Variants in MKLN1 observed in about 807,000 individuals in gnomAD.
MKLN1 encodes the protein muskelin.
In MKLN1, 18 loss-of-function variants were observed where a neutral mutation model predicts 99.0. The ratio of observed to expected loss-of-function variants is 0.18; its 90% CI spans 0.13 to 0.27. The LOEUF is 0.27. Among genes scored for constraint, MKLN1 ranks in the 10% least tolerant of loss-of-function variants. The probability of loss-of-function intolerance (pLI) is 1.00; values close to 1 mark genes in which losing one functional copy is unlikely to be tolerated. For synonymous variants in MKLN1, 288 were observed against 293.2 expected (o/e 0.98, Z 0.18); for missense variants, 621 against 875.9 (o/e 0.71, Z 3.67).
intron 3 of MKLN1, among the ~76,000 whole-genome samples, chr7:131,222,860 C>CAAA (rs375317109): frequency 4.5e-5 from 4 of 88,608 alleles, no homozygotes; most frequent in Non-Finnish European, 7.1e-5. Flanking sequence ...GCTAAAAATA[C>CAAA]AAAAAAAAAA....
chr7:131,449,165 TG>T (rs1796104952), intron 12 of MKLN1, among the ~76,000 whole-genome samples: 1 of 152,098 alleles, frequency 6.6e-6, no homozygotes, highest in South Asian at 2.1e-4. Context: ...GGAAGAACCA[TG>T]TGAAGAACTG....
chr7:131,163,499 T>C (rs1031214471), intron 2 of MKLN1, among the ~76,000 whole-genome samples: 1 of 152,188 alleles, frequency 6.6e-6, no homozygotes, highest in Non-Finnish European at 1.5e-5. Flanking sequence ...GATGAATGAG[T>C]GCTTCATTTT....
intron 16 of MKLN1, among the ~76,000 whole-genome samples, chr7:131,474,695 A>G (rs940285202): frequency 3.9e-5 from 6 of 152,358 alleles, no homozygotes; most frequent in African/African-American, 1.2e-4. Flanking sequence ...AGAAATTTTA[A>G]AAGTGAAAAG....
chr7:131,138,702 A>G (rs1795687553), intron 1 of MKLN1, among the ~76,000 whole-genome samples: 1 of 151,954 alleles, frequency 6.6e-6, no homozygotes, highest in Non-Finnish European at 1.5e-5. Flanking sequence ...AGTGAAATGA[A>G]AAAAAAAATT....
At chr7:131,341,275 G>A (rs1799400552) in intron 1 of MKLN1, among the ~76,000 whole-genome samples, 1 of 151,890 alleles carries the variant, frequency 6.6e-6, no homozygotes, top group African/African-American at 2.4e-5. Flanking sequence ...TCACAGATGT[G>A]ACCGTCATTG....
chr7:131,283,384 C>T (rs1798086739), intron 3 of MKLN1, among the ~76,000 whole-genome samples: 1 of 107,454 alleles, frequency 9.3e-6, no homozygotes, highest in Non-Finnish European at 1.8e-5. Context: ...TTCCTTCCTT[C>T]CTTCCTTCCT....
At chr7:131,286,740 A>C (rs1400957916) in intron 3 of MKLN1, among the ~76,000 whole-genome samples, 1 of 152,240 alleles carries the variant, frequency 6.6e-6, no homozygotes, top group Non-Finnish European at 1.5e-5. Flanking sequence ...TATTTGGATA[A>C]AACAATATTT....
intron 3 of MKLN1, among the ~76,000 whole-genome samples, chr7:131,233,405 T>TAAATAAAA (rs1353555363): frequency 3.5e-5 from 5 of 144,916 alleles, no homozygotes; most frequent in Non-Finnish European, 6.0e-5. Context: ...AATAAATAAA[T>TAAATAAAA]AAAAATAAAG....
At chr7:131,238,456 A>G (rs1797356616) in intron 3 of MKLN1, among the ~76,000 whole-genome samples, 1 of 152,184 alleles carries the variant, frequency 6.6e-6, no homozygotes. Flanking sequence ...ACTTCCTGCA[A>G]AGAGTTCAGA....
chr7:131,465,635 T>A (rs984030830), intron 14 of MKLN1, among the ~76,000 whole-genome samples: 9 of 151,940 alleles, frequency 5.9e-5, no homozygotes, highest in African/African-American at 2.2e-4. Flanking sequence ...GCCCCCTGGG[T>A]TCACATCATT....
At chr7:131,404,571 G>A (rs890598399) in intron 6 of MKLN1, among the ~76,000 whole-genome samples, 2 of 151,908 alleles carry the variant, frequency 1.3e-5, no homozygotes, top group African/African-American at 4.8e-5. Context: ...CTGGAATTTC[G>A]GGTGTGAGCT....
chr7:131,413,189 A>G (rs973573094), intron 7 of MKLN1, among the ~76,000 whole-genome samples: 15 of 152,234 alleles, frequency 9.9e-5, no homozygotes, highest in African/African-American at 2.2e-4. Context: ...CAAAGCTTCA[A>G]TGATAATAAA....
At chr7:131,411,759 T>C (rs1022943107) in intron 7 of MKLN1, among the ~76,000 whole-genome samples, 6 of 151,670 alleles carry the variant, frequency 4.0e-5, no homozygotes, top group African/African-American at 1.2e-4. Context: ...ATACAAAAAT[T>C]AGCTGGGCGT....
chr7:131,426,969 G>C (rs1795376034), intron 8 of MKLN1, among the ~76,000 whole-genome samples: 1 of 151,926 alleles, frequency 6.6e-6, no homozygotes, highest in African/African-American at 2.4e-5. Flanking sequence ...TGACCAGGCT[G>C]GTCTCAAACT....
At chr7:131,219,848 A>C (rs1301335404) in intron 3 of MKLN1, among the ~76,000 whole-genome samples, 1 of 152,062 alleles carries the variant, frequency 6.6e-6, no homozygotes, top group Non-Finnish European at 1.5e-5. Context: ...AAGTTTCCTC[A>C]TACTTACTTC....
intron 9 of MKLN1, among the ~76,000 whole-genome samples, chr7:131,433,733 A>ATTACTG (rs1420905979): frequency 6.6e-6 from 1 of 152,160 alleles, no homozygotes. Flanking sequence ...CACTCCCTCG[A>ATTACTG]TTACTGTAGC....
At chr7:131,114,284 T>G (rs1795241826) in intron 1 of MKLN1, among the ~76,000 whole-genome samples, 1 of 152,074 alleles carries the variant, frequency 6.6e-6, no homozygotes, top group African/African-American at 2.4e-5. Context: ...AAAAGCAGGT[T>G]GTGGAGTGAA....
chr7:131,409,293 A>G (rs1195359719), intron 6 of MKLN1, among the ~76,000 whole-genome samples: 1 of 152,250 alleles, frequency 6.6e-6, no homozygotes, highest in Non-Finnish European at 1.5e-5. Flanking sequence ...AGAATTAGAA[A>G]TAATAGGGAG....
At chr7:131,129,272 G>T (rs1795513354) in intron 1 of MKLN1, among the ~76,000 whole-genome samples, 1 of 151,960 alleles carries the variant, frequency 6.6e-6, no homozygotes, top group South Asian at 2.1e-4. Context: ...AATATAAATT[G>T]GTATAAACCT....
Sources: gnomAD v4.1 joint callset for allele counts (sites outside exome capture counted in the v4.1 genomes callset) on GRCh38, gnomAD v4.1.1 for gene constraint, MANE v1.5 for transcripts, NCBI Gene and HGNC (gene_info 2026-07-23, HGNC 2026-07-21) for gene names.